The following FBXO10 variants were observed in gnomAD, a reference collection of about 807,000 sequenced individuals.
FBXO10 encodes the protein F-box only protein 10.
A neutral mutation model predicts 80.7 loss-of-function variants in FBXO10; 39 were observed. That is an observed-to-expected ratio of 0.48 (90% CI 0.37 to 0.63). The LOEUF (loss-of-function observed/expected upper bound fraction) is 0.63. Among genes scored for constraint, FBXO10 ranks in the 30% least tolerant of loss-of-function variants. The pLI, the probability that FBXO10 is intolerant of heterozygous loss-of-function variation, is 0.00. For synonymous variants in FBXO10, 449 were observed against 489.6 expected (o/e 0.92, Z 1.09); for missense variants, 1,025 against 1,269.0 (o/e 0.81, Z 2.92).
chr9:37,531,828 G>A (rs1289623122), intron 4 of FBXO10, 81 bp downstream of exon 4: 11 of 1,519,108 alleles, frequency 7.2e-6, no homozygotes, highest in Non-Finnish European at 1.0e-5. Flanking sequence ...AAATACAAGA[G>A]GGCAACGTGT....
intron 9 of FBXO10, among the ~76,000 whole-genome samples, chr9:37,516,973 A>C (rs1360454338): frequency 6.6e-6 from 1 of 151,666 alleles, no homozygotes. Flanking sequence ...AAAAAAAAAA[A>C]ACAAAAAAAA....
intron 5 of FBXO10, among the ~76,000 whole-genome samples, chr9:37,528,480 G>A (rs147921133): frequency 1.4e-3 from 212 of 152,106 alleles, no homozygotes; most frequent in African/African-American, 4.6e-3. Context: ...AACATCCACC[G>A]ACCCCTCCCT....
chr9:37,551,639 G>A (rs564917824), intron 1 of FBXO10, among the ~76,000 whole-genome samples: 2 of 152,204 alleles, frequency 1.3e-5, no homozygotes, highest in South Asian at 4.1e-4. Context: ...GAGTGCCCCG[G>A]GCCTGGCCCT....
In FBXO10 at chr9:37,512,433, CG is replaced by C; in HGVS notation, c.*113del. On this transcript the variant is annotated 3_prime_UTR_variant, in exon 11 of 11. Transcript: ENST00000432825. Reference sequence around the variant, plus strand: ...CTGGAGGTACCGTGTTTTGGAGGCCCGGGACCCATTTGTTCGAGGGGGAGGG... The same window carrying C: ...CTGGAGGTACCGTGTTTTGGAGGCCCGGACCCATTTGTTCGAGGGGGAGGG... 2 of 1,206,656 alleles carry C rather than the reference CG, an allele frequency of 1.7e-6. No individual in the cohort carries two copies. Among genetic ancestry groups the C allele is most frequent in the Non-Finnish European group, 2.3e-6 (2 of 857,882 alleles). The allele number at this position is 1,206,656 out of a possible 1,614,324, so 74.7% of individuals were successfully genotyped here.
intron 6 of FBXO10, among the ~76,000 whole-genome samples, chr9:37,524,459 G>T (rs1022313266): frequency 1.3e-5 from 2 of 152,186 alleles, no homozygotes; most frequent in African/African-American, 4.8e-5. Context: ...TGTCTGATAA[G>T]TTCAGTCAGG....
chr9:37,556,413 A>G (rs1482272843), intron 1 of FBXO10, among the ~76,000 whole-genome samples: 1 of 151,614 alleles, frequency 6.6e-6, no homozygotes, highest in Admixed American at 6.6e-5. Context: ...TTTTCTTTTT[A>G]GCCTATGGTT....
chr9:37,536,130 T>C (rs1345671212), intron 3 of FBXO10: 3 of 152,200 alleles, frequency 2.0e-5, no homozygotes, highest in African/African-American at 7.2e-5. Flanking sequence ...AATTAAAATG[T>C]GATTGCTATT....
intron 1 of FBXO10, among the ~76,000 whole-genome samples, chr9:37,546,353 T>C (rs1235370001): frequency 6.7e-6 from 1 of 149,788 alleles, no homozygotes; most frequent in Non-Finnish European, 1.5e-5. Flanking sequence ...ATAAAGTGAA[T>C]AGCACAGAGG....
chr9:37,534,065 T>C (rs1301508206), intron 3 of FBXO10, among the ~76,000 whole-genome samples: 2 of 152,136 alleles, frequency 1.3e-5, no homozygotes, highest in African/African-American at 2.4e-5. Context: ...TGGATTTTAG[T>C]ATCCTGGAAC....
intron 1 of FBXO10, among the ~76,000 whole-genome samples, chr9:37,569,482 GA>G (rs199571760): frequency 1.5e-4 from 19 of 127,874 alleles, no homozygotes; most frequent in South Asian, 5.3e-4. Flanking sequence ...TAATTCATAG[GA>G]AAAAAAAAAA....
At chr9:37,559,013 T>C (rs1822408518) in intron 1 of FBXO10, among the ~76,000 whole-genome samples, 1 of 152,188 alleles carries the variant, frequency 6.6e-6, no homozygotes, top group Non-Finnish European at 1.5e-5. Flanking sequence ...GGTTTCACCA[T>C]GGTCAGGTTT....
intron 8 of FBXO10, among the ~76,000 whole-genome samples, chr9:37,520,688 A>G (rs2119061019): frequency 6.6e-6 from 1 of 152,258 alleles, no homozygotes; most frequent in African/African-American, 2.4e-5. Context: ...GGTTTAGGAT[A>G]ACATGGATTT....
rs925901566 is a variant in FBXO10 at position 37,533,777 on chromosome 9, C to T, written c.1420-1719G>A. On this transcript the variant is annotated intron_variant, in intron 3 of 10. Coordinates refer to ENST00000432825, the MANE Select transcript of FBXO10 (RefSeq NM_012166.3). The stretch of plus-strand genomic sequence containing the variant: ...GTTTCAGCTACTTGGGAGGCTGGGG[C>T]AGGAGAATCGCTTGAACCCAGGAGG... 2.0e-5 allele frequency among the ~76,000 whole-genome samples: 3 copies of T among 151,014 alleles called. No individual in the cohort carries two copies. The East Asian group carries it at 5.8e-4, about 29-fold the overall frequency.
intron 3 of FBXO10, among the ~76,000 whole-genome samples, chr9:37,533,867 C>T (rs1430943163): frequency 7.2e-6 from 1 of 138,886 alleles, no homozygotes. Context: ...GTGGAGACTC[C>T]GTCTCAAAAA....
chr9:37,540,489 T>C (rs10973401), intron 2 of FBXO10, among the ~76,000 whole-genome samples: 1 of 152,178 alleles, frequency 6.6e-6, no homozygotes, highest in African/African-American at 2.4e-5. Context: ...AAATCTTTTA[T>C]TTTTTATGAG....
chr9:37,523,218 CTA>C (rs1821386723), intron 6 of FBXO10, among the ~76,000 whole-genome samples: 1 of 918 alleles, frequency 1.1e-3, no homozygotes, highest in African/African-American at 1.7e-3. Context: ...CCGGCACCTA[CTA>C]TACACCCAAT....
At chr9:37,561,271 CT>C (rs1822477010) in intron 1 of FBXO10, among the ~76,000 whole-genome samples, 1 of 151,618 alleles carries the variant, frequency 6.6e-6, no homozygotes, top group Non-Finnish European at 1.5e-5. Flanking sequence ...CCTCGAACTC[CT>C]GGCCACAAGT....
rs1822616106 is a variant in FBXO10, at chr9:37,566,686, G to C, written c.-7+9525C>G. Among the ~76,000 whole-genome samples the C allele has an allele frequency of 2.0e-5, 3 of 152,086 alleles. No homozygotes were observed. In the South Asian group the frequency reaches 6.2e-4, roughly 32 times the overall value. ...TGTCCCTAGCTTTGTGGAGTAAACT[G>C]TTCTAAAGTAATAGTAAAATATTAT... is the stretch of plus-strand genomic sequence containing the variant. On this transcript the variant is annotated intron_variant, in intron 1 of 10. Coordinates refer to ENST00000432825, the MANE Select transcript of FBXO10 (RefSeq NM_012166.3).
At chr9:37,541,109 G>T in intron 2 of FBXO10, 75 bp downstream of exon 2, 1 of 1,310,096 alleles carries the variant, frequency 7.6e-7, no homozygotes, top group Non-Finnish European at 1.1e-6. Context: ...CAAAAAAAGG[G>T]ATTAAAAGCC....
Sources: allele counts gnomAD v4.1 joint callset (sites outside exome capture counted in the v4.1 genomes callset), GRCh38; gene constraint gnomAD v4.1.1; transcripts MANE v1.5; gene names NCBI Gene and HGNC (gene_info 2026-07-23, HGNC 2026-07-21).